MTCL1: variants seen among roughly 807,000 people sequenced by gnomAD.
The protein encoded by MTCL1 is microtubule crosslinking factor 1, also known as microtubule cross-linking factor 1.
Under a neutral mutation model 141.4 loss-of-function variants are expected in MTCL1, and 79 were observed. That is an observed-to-expected ratio of 0.56 (90% CI 0.47 to 0.67). The LOEUF (loss-of-function observed/expected upper bound fraction) is 0.67, where lower values mean the gene tolerates loss of function less well. MTCL1 is among the 30% of genes least tolerant of loss of function. MTCL1 has a pLI of 0.00. For missense variants in MTCL1, 2,177 were observed against 2,113.9 expected (o/e 1.03, Z -0.59); for synonymous variants, 914 against 875.8 (o/e 1.04, Z -0.77).
At chr18:8,785,338 G>A (rs954644044) in intron 6 of MTCL1, among the ~76,000 whole-genome samples, 1 of 152,224 alleles carries the variant, frequency 6.6e-6, no homozygotes, top group Non-Finnish European at 1.5e-5. Context: ...GCCCTAGGCA[G>A]CCCAGGCCCC....
rs73939557 is a variant in MTCL1, at chr18:8,810,642, G to A, written c.2605-2337G>A. Among the ~76,000 whole-genome samples the A allele has an allele frequency of 2.0e-5, 3 of 152,090 alleles. No homozygotes were observed. The highest frequency in any genetic ancestry group is 4.8e-5 in the African/African-American group (2 of 41,472). Reference sequence around the variant, plus strand: ...CAGCCTGTCTTTCATTCTGGGTTACGTGGACTTCCAGCAGCTCTTTTAAAC... The same window carrying A: ...CAGCCTGTCTTTCATTCTGGGTTACATGGACTTCCAGCAGCTCTTTTAAAC... On this transcript the variant is annotated intron_variant, in intron 11 of 16. Transcript: ENST00000359865. The surrounding 1 kb of genome is among the most constrained non-coding windows in gnomAD (Gnocchi z 5.0).
At chr18:8,800,794 G>A (rs1213593695) in intron 10 of MTCL1, 1 of 152,194 alleles carries the variant, frequency 6.6e-6, no homozygotes, top group Non-Finnish European at 1.5e-5. Flanking sequence ...AATGGTGTGG[G>A]AATGATGGCC....
Position 8,705,738 on chromosome 18 carries a change from C to G in MTCL1, c.78C>G (p.His26Gln). ...AGCCGCCCGGCCAGCACCACCGCCA[C>G]CACCACCTCCACCCGGTGGCCGAAA... The change falls in exon 1 of 14, where the codon CAC becomes CAG. Residue 26 changes from histidine (H) to glutamine (Q), a missense_variant. Physicochemically the swap from His to Gln is conservative, Grantham distance 24. Transcript: ENST00000306329. The surrounding 1 kb of genome is among the most constrained non-coding windows in gnomAD (Gnocchi z 5.2). 1.7e-6 allele frequency: 2 copies of G among 1,205,124 alleles called. No homozygotes were observed. The highest frequency in any genetic ancestry group is 2.1e-6 in the Non-Finnish European group (2 of 970,402). 74.7% of individuals were successfully genotyped at this position (1,205,124 alleles called of 1,614,324 possible). A position where few individuals can be genotyped will look rare whatever the true frequency, so the allele number is the denominator to read the frequency against.
At chr18:8,815,947 G>C (rs2076641972) in intron 12 of MTCL1, among the ~76,000 whole-genome samples, 1 of 152,194 alleles carries the variant, frequency 6.6e-6, no homozygotes, top group Non-Finnish European at 1.5e-5. Flanking sequence ...GGTTACAAAT[G>C]AACTGATGCT....
rs1263463165 is a variant in MTCL1, at chr18:8,810,757, C to A, written c.2605-2222C>A. The stretch of plus-strand genomic sequence containing the variant: ...CCCCTCTTTTGTTTCTGCATTCTTT[C>A]TACTTAGAAAAAGTTTTATTTTCCC... On this transcript the variant is annotated intron_variant, in intron 11 of 16. Transcript: ENST00000359865. The surrounding 1 kb of genome is among the most constrained non-coding windows in gnomAD (Gnocchi z 5.0). Among the ~76,000 whole-genome samples, 2 of 152,112 alleles carry A rather than the reference C, an allele frequency of 1.3e-5. No individual in the cohort carries two copies. Among genetic ancestry groups the A allele is most frequent in the African/African-American group, 4.8e-5 (2 of 41,424 alleles).
intron 6 of MTCL1, among the ~76,000 whole-genome samples, chr18:8,785,161 C>T (rs922782894): frequency 4.6e-5 from 7 of 152,102 alleles, no homozygotes; most frequent in Non-Finnish European, 5.9e-5. Context: ...TAGGGCTCGA[C>T]GCATGCCGGC....
chr18:8,796,554 G>T (rs185208604), intron 9 of MTCL1, 92 bp downstream of exon 8: 2 of 1,219,710 alleles, frequency 1.6e-6, no homozygotes, highest in East Asian at 2.5e-5. Flanking sequence ...ACACAGTCAT[G>T]TTCTATTATT....
chr18:8,764,669 T>C (rs1476998138), intron 4 of MTCL1, among the ~76,000 whole-genome samples: 1 of 151,902 alleles, frequency 6.6e-6, no homozygotes, highest in African/African-American at 2.4e-5. Context: ...ACAGGCTGGC[T>C]CGATATGCCT....
chr18:8,716,977 T>G (rs1016226837), upstream of MTCL1, among the ~76,000 whole-genome samples: 2 of 152,196 alleles, frequency 1.3e-5, no homozygotes, highest in Non-Finnish European at 2.9e-5. Flanking sequence ...GGGAAGAAGC[T>G]TTCATCACTG....
At chr18:8,805,425 A>G (rs1568072282) in intron 10 of MTCL1, among the ~76,000 whole-genome samples, 2 of 152,256 alleles carry the variant, frequency 1.3e-5, no homozygotes, top group Admixed American at 6.5e-5. Flanking sequence ...ATGTTGCTGC[A>G]GAAGCCATGA....
chr18:8,784,108 C>A (rs1005881664), exon 6 of MTCL1: 3 of 1,613,412 alleles, frequency 1.9e-6, no homozygotes, highest in East Asian at 2.2e-5. Flanking sequence ...GGGGTGGGGC[C>A]CCCCTGCAGG....
At chr18:8,823,812 A>G (rs2076924117) in intron 14 of MTCL1, among the ~76,000 whole-genome samples, 1 of 152,220 alleles carries the variant, frequency 6.6e-6, no homozygotes, top group Non-Finnish European at 1.5e-5. Context: ...CACACGGTAC[A>G]GGGACTTGCT....
chr18:8,774,329 G>A (rs2143166111), intron 4 of MTCL1, among the ~76,000 whole-genome samples: 1 of 151,950 alleles, frequency 6.6e-6, no homozygotes, highest in East Asian at 1.9e-4. Context: ...AAATGGTTTG[G>A]AAGAAACATG....
chr18:8,711,127 A>T (rs1176956301), intron 1 of MTCL1, among the ~76,000 whole-genome samples: 1 of 151,158 alleles, frequency 6.6e-6, no homozygotes, highest in Non-Finnish European at 1.5e-5. Context: ...CCTATGAGTG[A>T]GAATATGCGG....
At position 8,777,846 on chromosome 18, in the gene MTCL1, G is replaced by A. The variant is rs1598611553; in HGVS notation, c.371G>A (p.Arg124Lys). 6.2e-6 allele frequency: 10 copies of A among 1,613,844 alleles called. No homozygotes were observed. In the East Asian group the frequency reaches 2.2e-4, roughly 36 times the overall value. Residue 124 changes from arginine to lysine, a missense_variant, in exon 5 of 17, where the codon AGA becomes AAA. Physicochemically the swap from Arg to Lys is conservative, Grantham distance 26. Transcript: ENST00000359865. The stretch of plus-strand genomic sequence containing the variant: ...GATCTATTTCAGAGTTCCCTAAAAA[G>A]AAGAAGCACTCGGGAAATGTACAAG...
chr18:8,811,541 A>C (rs889117052), intron 11 of MTCL1, among the ~76,000 whole-genome samples: 8 of 152,190 alleles, frequency 5.3e-5, no homozygotes, highest in East Asian at 1.9e-4. Context: ...ACATATATAT[A>C]TCTATGGTCT....
intron 4 of MTCL1, among the ~76,000 whole-genome samples, chr18:8,768,777 T>A (rs1022520280): frequency 3.3e-5 from 5 of 149,836 alleles, no homozygotes; most frequent in Non-Finnish European, 7.4e-5. Context: ...TGGGAACAGA[T>A]TCTTTTCTTC....
exon 15 of MTCL1, chr18:8,824,979 C>A: frequency 6.2e-7 from 1 of 1,613,448 alleles, no homozygotes; most frequent in Non-Finnish European, 8.5e-7. Flanking sequence ...CTCCTGGTAC[C>A]TAACCACAAG....
intron 9 of MTCL1, among the ~76,000 whole-genome samples, chr18:8,797,414 TATTG>T (rs1407083561): frequency 6.6e-6 from 1 of 152,218 alleles, no homozygotes; most frequent in Non-Finnish European, 1.5e-5. Context: ...TTTGCTTTTG[TATTG>T]ATTAAGTCAG....
Sources: gnomAD v4.1 joint callset for allele counts (sites outside exome capture counted in the v4.1 genomes callset) on GRCh38, gnomAD v4.1.1 for gene constraint, Gnocchi (gnomAD v3.1) non-coding constraint, MANE v1.5 for transcripts, NCBI Gene and HGNC (gene_info 2026-07-23, HGNC 2026-07-21) for gene names.